The following PDE4D variants were observed in gnomAD, a reference collection of about 807,000 sequenced individuals.
The protein encoded by PDE4D is 3',5'-cyclic-AMP phosphodiesterase 4D.
PDE4D carries 24 observed loss-of-function variants against 87.4 expected under a neutral mutation model. The observed-to-expected ratio is 0.27, with a 90% CI of 0.20 to 0.39. PDE4D has a LOEUF of 0.39. Ranked by LOEUF, PDE4D falls within the 10% of genes least tolerant of loss-of-function variation. PDE4D has a pLI of 1.00. For synonymous variants in PDE4D, 384 were observed against 383.2 expected, an observed-to-expected ratio of 1.00 and a Z score of -0.02; for missense variants, 714 against 1,041.0, an observed-to-expected ratio of 0.69 and a Z score of 4.32.
At chr5:59,335,279 G>C (rs1777464636) in intron 1 of PDE4D, among the ~76,000 whole-genome samples, 1 of 151,428 alleles carries the variant, frequency 6.6e-6, no homozygotes, top group Admixed American at 6.6e-5. Context: ...CCTGTGCCCA[G>C]AGCATGGGAA....
chr5:58,973,345 A>AAAC lies in PDE4D; in HGVS notation c.*1316_*1318dup, dbSNP rs1441345622. 6.6e-6 allele frequency: 1 copy of AAAC among 152,222 alleles called. No individual in the cohort carries two copies. Among genetic ancestry groups the AAAC allele is most frequent in the African/African-American group, 2.4e-5 (1 of 41,456 alleles). 9.4% of individuals were successfully genotyped at this position (152,222 alleles called of 1,614,324 possible). A position where few individuals can be genotyped will look rare whatever the true frequency, so the allele number is the denominator to read the frequency against. On this transcript the variant is annotated 3_prime_UTR_variant, in exon 15 of 15. Transcript: ENST00000340635. ...TATATTTGACAAGACCTCATCTAGC[A>AAAC]AACATGGATAAGGTTCAGACACACG...
At chr5:60,260,622 G>A (rs1255302784) in intron 1 of PDE4D, among the ~76,000 whole-genome samples, 1 of 152,128 alleles carries the variant, frequency 6.6e-6, no homozygotes, top group African/African-American at 2.4e-5. Context: ...TCCCTAAGGC[G>A]GTCATGTTCT....
At chr5:59,596,681 GTT>G (rs934733789) in intron 1 of PDE4D, among the ~76,000 whole-genome samples, 1 of 152,000 alleles carries the variant, frequency 6.6e-6, no homozygotes, top group Non-Finnish European at 1.5e-5. Context: ...GTCTGCCTAT[GTT>G]TCCTTCTAAA....
chr5:59,220,377 CAAAA>C (rs57610513), intron 1 of PDE4D, among the ~76,000 whole-genome samples: 3 of 36,132 alleles, frequency 8.3e-5, no homozygotes, highest in Non-Finnish European at 1.3e-4. Context: ...GACTCTGTCT[CAAAA>C]AAAAAAAAAA....
intron 2 of PDE4D, among the ~76,000 whole-genome samples, chr5:60,149,114 C>T (rs911996652): frequency 1.3e-5 from 2 of 152,200 alleles, no homozygotes; most frequent in South Asian, 2.1e-4. Flanking sequence ...TCTTCCCATT[C>T]TTTCTTTTTC....
At chr5:60,484,188 T>TAA (rs34177181) in intron 1 of PDE4D, among the ~76,000 whole-genome samples, 58 of 136,604 alleles carry the variant, frequency 4.2e-4, no homozygotes, top group East Asian at 1.2e-3. Flanking sequence ...AGACAGGAAT[T>TAA]AAAAAAAAAA....
intron 1 of PDE4D, among the ~76,000 whole-genome samples, chr5:59,216,366 G>C (rs1751263729): frequency 6.6e-6 from 1 of 152,024 alleles, no homozygotes; most frequent in Non-Finnish European, 1.5e-5. Context: ...TCCCAAACCT[G>C]GGCTTCTCCC....
chr5:60,050,261 G>C (rs987563450), intron 2 of PDE4D, among the ~76,000 whole-genome samples: 1 of 152,120 alleles, frequency 6.6e-6, no homozygotes, highest in Admixed American at 6.5e-5. Flanking sequence ...TGCGCCCACT[G>C]TCTGGCACTC....
chr5:59,530,993 T>C (rs1327836509), intron 1 of PDE4D, among the ~76,000 whole-genome samples: 2 of 152,216 alleles, frequency 1.3e-5, no homozygotes, highest in Non-Finnish European at 2.9e-5. Flanking sequence ...CTTCTTTGAA[T>C]ACGGTGTATT....
chr5:59,869,955 G>C (rs569550143), intron 1 of PDE4D, among the ~76,000 whole-genome samples: 2 of 152,098 alleles, frequency 1.3e-5, no homozygotes, highest in African/African-American at 4.8e-5. Flanking sequence ...TCACCTGCCC[G>C]GAGTCCAGCT....
intron 1 of PDE4D, among the ~76,000 whole-genome samples, chr5:60,384,448 T>C (rs1281760897): frequency 6.6e-6 from 1 of 152,206 alleles, no homozygotes; most frequent in Non-Finnish European, 1.5e-5. Flanking sequence ...ACTTCTTAAA[T>C]AAACAATGAC....
chr5:59,369,032 T>C (rs1433326047), intron 1 of PDE4D, among the ~76,000 whole-genome samples: 1 of 152,210 alleles, frequency 6.6e-6, no homozygotes, highest in Non-Finnish European at 1.5e-5. Flanking sequence ...AAAAACGATG[T>C]GCTTTCTATG....
At chr5:60,083,250 A>G (rs1294093820) in intron 2 of PDE4D, among the ~76,000 whole-genome samples, 1 of 152,212 alleles carries the variant, frequency 6.6e-6, no homozygotes, top group Admixed American at 6.5e-5. Context: ...GTCCACCTCA[A>G]GTAACTTTAG....
chr5:59,130,592 G>A (rs1044683693), intron 5 of PDE4D, among the ~76,000 whole-genome samples: 2 of 152,146 alleles, frequency 1.3e-5, no homozygotes, highest in African/African-American at 2.4e-5. Flanking sequence ...CCCAAATTTC[G>A]TAAGTGAAAC....
chr5:59,468,079 G>A (rs1163581500), intron 1 of PDE4D, among the ~76,000 whole-genome samples: 1 of 152,132 alleles, frequency 6.6e-6, no homozygotes, highest in African/African-American at 2.4e-5. Flanking sequence ...GCATTTAAGT[G>A]AATAATTTCC....
intron 1 of PDE4D, among the ~76,000 whole-genome samples, chr5:59,497,231 GCT>G (rs1257942694): frequency 6.6e-6 from 1 of 152,086 alleles, no homozygotes; most frequent in Admixed American, 6.6e-5. Context: ...AAAAGCATCA[GCT>G]CTCTCAGATG....
At chr5:59,486,146 T>C (rs1189857290) in intron 1 of PDE4D, among the ~76,000 whole-genome samples, 1 of 152,148 alleles carries the variant, frequency 6.6e-6, no homozygotes, top group Non-Finnish European at 1.5e-5. Flanking sequence ...TCTGTTAAAA[T>C]TTATCTTGTA....
At chr5:60,081,336 A>C (rs1773922410) in intron 2 of PDE4D, among the ~76,000 whole-genome samples, 2 of 150,418 alleles carry the variant, frequency 1.3e-5, no homozygotes. Context: ...AAAAAAAAAA[A>C]CAGCTCCTGG....
At position 59,046,411 on chromosome 5, in the gene PDE4D, AG is replaced by A. The variant is rs1353050727; in HGVS notation, c.809-7441del. Among the ~76,000 whole-genome samples the A allele has an allele frequency of 2.0e-4, 29 of 147,790 alleles. No homozygotes were observed. The East Asian group carries it at 4.8e-3, about 25-fold the overall frequency. On this transcript the variant is annotated intron_variant, in intron 5 of 14. Transcript: ENST00000340635. Reference sequence around the variant, plus strand: ...GTAAGGGCATGAAAGAGTGAGAGAGAGAGAGAGAATGTGTGTGTGTGTGTGT... The same window carrying A: ...GTAAGGGCATGAAAGAGTGAGAGAGAAGAGAGAATGTGTGTGTGTGTGTGT...
Sources: allele counts gnomAD v4.1 joint callset (sites outside exome capture counted in the v4.1 genomes callset), GRCh38; gene constraint gnomAD v4.1.1; transcripts MANE v1.5; gene names NCBI Gene and HGNC (gene_info 2026-07-23, HGNC 2026-07-21).